Variants in CAPN8 observed in about 807,000 individuals in gnomAD.
The protein encoded by CAPN8 is calpain-8.
A neutral mutation model predicts 80.9 loss-of-function variants in CAPN8; 87 were observed. The observed-to-expected ratio is 1.07, with a 90% confidence interval of 0.90 to 1.28. The LOEUF is 1.28. CAPN8 is among the 50% of genes most tolerant of loss of function. The pLI, the probability that CAPN8 is intolerant of heterozygous loss-of-function variation, is 0.00. For missense variants in CAPN8, 757 were observed against 702.0 expected, an observed-to-expected ratio of 1.08 and a Z score of -0.89; for synonymous variants, 299 against 273.8, an observed-to-expected ratio of 1.09 and a Z score of -0.91.
intron 2 of CAPN8, among the ~76,000 whole-genome samples, chr1:223,630,594 C>T (rs1018243103): frequency 2.0e-5 from 3 of 152,098 alleles, no homozygotes; most frequent in African/African-American, 7.2e-5. Flanking sequence ...TCTTAGCCTC[C>T]CAAAGTGCTG....
chr1:223,542,187 ATG>A (rs1333350196), intron 20 of CAPN8, among the ~76,000 whole-genome samples: 2 of 151,204 alleles, frequency 1.3e-5, no homozygotes, highest in African/African-American at 4.9e-5. Flanking sequence ...TACACTATAT[ATG>A]TGTGTGTATA....
Position 223,545,211 on chromosome 1 carries a change from C to A in CAPN8, c.1833+20G>T. 3.2e-6 allele frequency: 5 copies of A among 1,551,574 alleles called. No homozygotes were observed. The highest frequency in any genetic ancestry group is 4.4e-6 in the Non-Finnish European group (5 of 1,146,958). On this transcript the variant is annotated intron_variant, in intron 17 of 20. Coordinates refer to ENST00000366872, the MANE Select transcript of CAPN8 (RefSeq NM_001143962.2). ...GGATTAGAACAGAGGAGAGGATGCC[C>A]AGAAGGAAAAGAGAGTTACCAGATA...
chr1:223,631,040 C>T (rs1657759105), intron 2 of CAPN8, among the ~76,000 whole-genome samples: 1 of 152,188 alleles, frequency 6.6e-6, no homozygotes, highest in African/African-American at 2.4e-5. Flanking sequence ...CACAATATGA[C>T]TCCAACCTAC....
At chr1:223,655,385 G>T (rs1658460237) in intron 1 of CAPN8, among the ~76,000 whole-genome samples, 1 of 152,154 alleles carries the variant, frequency 6.6e-6, no homozygotes, top group Non-Finnish European at 1.5e-5. Flanking sequence ...CTCTGTTGGG[G>T]CACAATGACA....
intron 9 of CAPN8, chr1:223,618,241 T>G (rs1378751873): frequency 3.2e-6 from 5 of 1,550,626 alleles, no homozygotes. Context: ...CCTGAGTTTC[T>G]TCATCAGGTG....
chr1:223,646,694 G>A (rs781615937), intron 2 of CAPN8, among the ~76,000 whole-genome samples: 50 of 152,258 alleles, frequency 3.3e-4, no homozygotes, highest in Admixed American at 3.9e-4. Flanking sequence ...GGTACCCCTC[G>A]TAAGTCAGAG....
At chr1:223,623,705 G>A (rs1657471292) in intron 6 of CAPN8, among the ~76,000 whole-genome samples, 1 of 152,098 alleles carries the variant, frequency 6.6e-6, no homozygotes, top group Non-Finnish European at 1.5e-5. Flanking sequence ...TCATTAAAGA[G>A]CATATTTGGG....
chr1:223,616,230 C>A, intron 9 of CAPN8, 85 bp from the exon 10 acceptor site: 1 of 1,402,202 alleles, frequency 7.1e-7, no homozygotes, highest in Non-Finnish European at 9.6e-7. Context: ...GAAACTTGAT[C>A]ATCCTAATGA....
chr1:223,620,316 A>C, intron 7 of CAPN8, 50 bp from the exon 8 acceptor site: 1 of 1,501,144 alleles, frequency 6.7e-7, no homozygotes. Flanking sequence ...TTCTACAAGC[A>C]GGGCAAGCTG....
chr1:223,546,923 T>C (rs1414690634), intron 16 of CAPN8, among the ~76,000 whole-genome samples: 1 of 143,114 alleles, frequency 7.0e-6, no homozygotes, highest in Non-Finnish European at 1.5e-5. Flanking sequence ...GTTGTTGTTG[T>C]TGTTGTTTGA....
intron 18 of CAPN8, 51 bp from the exon 19 acceptor site, chr1:223,544,234 G>A: frequency 1.4e-6 from 1 of 711,358 alleles, no homozygotes; most frequent in Non-Finnish European, 2.6e-6. Context: ...ACTCAGCACT[G>A]TCTCCCATAA....
intron 18 of CAPN8, 84 bp from the exon 19 acceptor site, chr1:223,544,267 A>G: frequency 1.5e-6 from 1 of 683,766 alleles, no homozygotes. Context: ...CTGACATCCC[A>G]GGGGCCCCTC....
chr1:223,552,334 TG>T (rs1351713581), intron 14 of CAPN8, among the ~76,000 whole-genome samples: 2 of 151,930 alleles, frequency 1.3e-5, no homozygotes, highest in Admixed American at 1.3e-4. Context: ...GAGGCCGAGG[TG>T]GGTGGATCAC....
At chr1:223,554,023 G>C in intron 13 of CAPN8, 123 bp from the exon 14 acceptor site, 1 of 394,674 alleles carries the variant, frequency 2.5e-6, no homozygotes, top group Non-Finnish European at 4.5e-6. Context: ...GCCAGGCTTT[G>C]GGCTAAGTGG....
chr1:223,630,961 C>T (rs1657757337), intron 2 of CAPN8, among the ~76,000 whole-genome samples: 1 of 152,182 alleles, frequency 6.6e-6, no homozygotes, highest in Non-Finnish European at 1.5e-5. Context: ...GATCATGTCA[C>T]ACCCCTGCTC....
intron 13 of CAPN8, among the ~76,000 whole-genome samples, chr1:223,557,837 C>T (rs36143014): frequency 0.58 from 87,637 of 152,114 alleles, 25,490 homozygotes; most frequent in South Asian, 0.63. Context: ...TTCTCTATCT[C>T]GCACAGGACA....
At chr1:223,551,201 G>A (rs959487689) in intron 14 of CAPN8, among the ~76,000 whole-genome samples, 184 bp from the exon 15 acceptor site, 1 of 151,974 alleles carries the variant, frequency 6.6e-6, no homozygotes, top group Non-Finnish European at 1.5e-5. Context: ...GGAGTGTAGT[G>A]CCGCAATCTC....
At chr1:223,543,033 T>C in intron 20 of CAPN8, 75 bp downstream of exon 20, 1 of 1,494,676 alleles carries the variant, frequency 6.7e-7, no homozygotes, top group Non-Finnish European at 9.1e-7. Flanking sequence ...GGAATAAGCA[T>C]CACTTGGCAG....
intron 18 of CAPN8, 67 bp from the exon 19 acceptor site, chr1:223,544,250 C>A (rs1057375896): frequency 1.4e-5 from 10 of 697,048 alleles, no homozygotes; most frequent in Admixed American, 2.0e-5. Context: ...CATAAACACT[C>A]AAGGAGCTGA....
Sources: gnomAD v4.1 joint callset for allele counts (sites outside exome capture counted in the v4.1 genomes callset) on GRCh38, gnomAD v4.1.1 for gene constraint, MANE v1.5 for transcripts, NCBI Gene and HGNC (gene_info 2026-07-23, HGNC 2026-07-21) for gene names.